WNT3A: variants seen among roughly 807,000 people sequenced by gnomAD.
WNT3A encodes the protein Wnt family member 3A.
In WNT3A, 17 loss-of-function variants were observed where a neutral mutation model predicts 37.0. The ratio of observed to expected loss-of-function variants is 0.46; its 90% CI spans 0.31 to 0.69. The LOEUF (loss-of-function observed/expected upper bound fraction) is 0.69. WNT3A is among the 30% of genes least tolerant of loss of function. The pLI, the probability that WNT3A is intolerant of heterozygous loss-of-function variation, is 0.05. For missense variants in WNT3A, 411 were observed against 510.2 expected (o/e 0.81, Z 1.87); for synonymous variants, 187 against 211.0 (o/e 0.89, Z 0.99).
chr1:228,015,535 G>C (rs1558284268), intron 1 of WNT3A, among the ~76,000 whole-genome samples: 1 of 152,202 alleles, frequency 6.6e-6, no homozygotes, highest in Non-Finnish European at 1.5e-5. Flanking sequence ...GCAGGGCATG[G>C]GGGCAGGGAG....
At chr1:228,023,460 CAG>C (rs1299605904) in intron 2 of WNT3A, among the ~76,000 whole-genome samples, 2 of 150,834 alleles carry the variant, frequency 1.3e-5, no homozygotes, top group African/African-American at 4.9e-5. Flanking sequence ...GAGAGAGAGA[CAG>C]AGAGGGACAG....
At chr1:228,047,163 G>A (rs1333699371) in intron 2 of WNT3A, among the ~76,000 whole-genome samples, 1 of 152,186 alleles carries the variant, frequency 6.6e-6, no homozygotes, top group Non-Finnish European at 1.5e-5. Context: ...GGATACAGAA[G>A]AAATGGACAG....
chr1:228,041,859 C>T (rs978936380), intron 2 of WNT3A, among the ~76,000 whole-genome samples: 2 of 152,246 alleles, frequency 1.3e-5, no homozygotes, highest in African/African-American at 4.8e-5. Context: ...CAAGGACTCT[C>T]TTCTCCTGAA....
At chr1:228,027,321 A>G (rs1277719631) in intron 2 of WNT3A, among the ~76,000 whole-genome samples, 1 of 152,194 alleles carries the variant, frequency 6.6e-6, no homozygotes, top group Non-Finnish European at 1.5e-5. Flanking sequence ...TGAATGATAG[A>G]ACTACTTTCA....
intron 1 of WNT3A, among the ~76,000 whole-genome samples, chr1:228,017,499 G>A (rs1036217067): frequency 1.3e-5 from 2 of 152,250 alleles, no homozygotes; most frequent in East Asian, 3.9e-4. Flanking sequence ...GATGGCTTGA[G>A]TCCAGGAGTT....
chr1:228,041,871 G>A (rs958885658), intron 2 of WNT3A, among the ~76,000 whole-genome samples: 1 of 152,234 alleles, frequency 6.6e-6, no homozygotes, highest in East Asian at 1.9e-4. Context: ...TCTCCTGAAA[G>A]TGGGTCATCC....
chr1:228,022,319 G>A (rs962726013), intron 1 of WNT3A, among the ~76,000 whole-genome samples: 1 of 152,050 alleles, frequency 6.6e-6, no homozygotes, highest in Admixed American at 6.6e-5. Flanking sequence ...AAAATTAGCT[G>A]GCTCTGGTGG....
intron 2 of WNT3A, among the ~76,000 whole-genome samples, chr1:228,048,765 C>T (rs983303396): frequency 1.3e-5 from 2 of 152,122 alleles, no homozygotes; most frequent in Admixed American, 1.3e-4. Context: ...GGCCCACCCC[C>T]TCTCCTCATG....
chr1:228,046,949 A>G (rs1006595314), intron 2 of WNT3A, among the ~76,000 whole-genome samples: 4 of 152,094 alleles, frequency 2.6e-5, no homozygotes, highest in African/African-American at 9.7e-5. Flanking sequence ...TGGAAGGAGG[A>G]AGCTGGAGGC....
chr1:228,028,542 T>G (rs2030911203), intron 2 of WNT3A, among the ~76,000 whole-genome samples: 1 of 152,136 alleles, frequency 6.6e-6, no homozygotes, highest in Admixed American at 6.6e-5. Context: ...CAGGCTGGTC[T>G]CAAACTCCTG....
intron 2 of WNT3A, among the ~76,000 whole-genome samples, chr1:228,043,383 C>T (rs2031333432): frequency 6.6e-6 from 1 of 152,220 alleles, no homozygotes; most frequent in African/African-American, 2.4e-5. Flanking sequence ...GCATTTGTGT[C>T]TAAGCACCCT....
intron 1 of WNT3A, among the ~76,000 whole-genome samples, chr1:228,022,420 T>C (rs927846883): frequency 6.6e-6 from 1 of 152,156 alleles, no homozygotes; most frequent in Non-Finnish European, 1.5e-5. Flanking sequence ...TGAGATTCTG[T>C]CTCAAAAAAA....
rs553970005 is a variant in WNT3A, at chr1:228,035,931, A to C, written c.313+13023A>C. On this transcript the variant is annotated intron_variant, in intron 2 of 3. Transcript: ENST00000284523. ...ACCCCTCCTACCTCCTCATGGCTTA[A>C]ATAGGTTTAAGTAGGAAAGGGGAAG... is the stretch of plus-strand genomic sequence containing the variant. Among the ~76,000 whole-genome samples the C allele has an allele frequency of 5.3e-5, 8 of 152,220 alleles. No individual in the cohort carries two copies. In the East Asian group the frequency reaches 1.5e-3, roughly 29 times the overall value.
intron 2 of WNT3A, among the ~76,000 whole-genome samples, chr1:228,027,718 T>C (rs1339744130): frequency 6.6e-6 from 1 of 152,226 alleles, no homozygotes; most frequent in African/African-American, 2.4e-5. Context: ...TCCCACTCTG[T>C]GGGTTGTCTG....
At position 228,007,536 on chromosome 1, in the gene WNT3A, C is replaced by T. The variant is rs1390507405; in HGVS notation, c.71+337C>T. ...CACGCACGGTCACCGAGGGGACAGG[C>T]AGCTCGAGGCCAGGGGACAGGCGAG... On this transcript the variant is annotated intron_variant, in intron 1 of 3. Transcript: ENST00000284523. The surrounding 1 kb of genome is among the most constrained non-coding windows in gnomAD (Gnocchi z 6.0). Among the ~76,000 whole-genome samples the T allele has an allele frequency of 6.6e-6, 1 of 152,118 alleles. No homozygotes were observed. Among genetic ancestry groups the T allele is most frequent in the Non-Finnish European group, 1.5e-5 (1 of 68,014 alleles).
chr1:228,010,725 A>G (rs6689667), intron 1 of WNT3A, among the ~76,000 whole-genome samples: 3,189 of 152,338 alleles, frequency 0.021, 97 homozygotes, highest in African/African-American at 0.073. Context: ...GGCTGTGTCC[A>G]GCCTTTTGCC....
rs544259167 is a variant in WNT3A at position 228,032,364 on chromosome 1, T to C, written c.313+9456T>C. Among the ~76,000 whole-genome samples, 379 of 152,278 alleles carry C rather than the reference T, an allele frequency of 2.5e-3. 1 individual carries two copies. The highest frequency in any genetic ancestry group is 8.7e-3 in the African/African-American group (361 of 41,568). On this transcript the variant is annotated intron_variant, in intron 2 of 3. Transcript: ENST00000284523. The stretch of plus-strand genomic sequence containing the variant: ...ACAGATGGGAATCCCAGCCAGCAGA[T>C]TGGCTGGGGGCCCAGCCAGCTGAAT...
In WNT3A at chr1:228,022,884, A is replaced by G. The variant is rs776215625; in HGVS notation, c.289A>G (p.Ile97Val). 3.0e-5 allele frequency: 48 copies of G among 1,611,766 alleles called. No individual in the cohort carries two copies. The highest frequency in any genetic ancestry group is 3.1e-5 in the Non-Finnish European group (37 of 1,178,402). ...NCTTVHDSLA[I>V]FGPVLDKATR... is the part of the protein sequence containing the mutation. ...CACCACCGTCCACGACAGCCTGGCC[A>G]TCTTCGGGCCCGTGCTGGACAAAGG... Residue 97 changes from isoleucine to valine, a missense_variant, in exon 2 of 4, where the codon ATC becomes GTC. Coordinates refer to ENST00000284523, the MANE Select transcript of WNT3A (RefSeq NM_033131.4).
Position 228,039,298 on chromosome 1 carries a change from C to A in WNT3A, c.314-11358C>A, listed in dbSNP as rs541927999. ...CAGGATGGGGCCACAGAGGCAGAAC[C>A]ATAGCCCCCTTCCCAGACTAAGCAG... On this transcript the variant is annotated intron_variant, in intron 2 of 3. Coordinates refer to ENST00000284523, the MANE Select transcript of WNT3A (RefSeq NM_033131.4). The surrounding 1 kb of genome is among the most constrained non-coding windows in gnomAD (Gnocchi z 4.1). Among the ~76,000 whole-genome samples the A allele has an allele frequency of 2.0e-5, 3 of 152,160 alleles. No homozygotes were observed. Among genetic ancestry groups the A allele is most frequent in the Non-Finnish European group, 4.4e-5 (3 of 68,016 alleles).
Sources: gnomAD v4.1 joint callset for allele counts (sites outside exome capture counted in the v4.1 genomes callset) on GRCh38, gnomAD v4.1.1 for gene constraint, Gnocchi (gnomAD v3.1) non-coding constraint, MANE v1.5 for transcripts, NCBI Gene and HGNC (gene_info 2026-07-23, HGNC 2026-07-21) for gene names.